Variants in ADCY2 observed in about 807,000 individuals in gnomAD.
The protein encoded by ADCY2 is adenylate cyclase 2.
Under a neutral mutation model 125.2 loss-of-function variants are expected in ADCY2, and 31 were observed. The observed-to-expected ratio is 0.25, with a 90% CI of 0.19 to 0.33. The LOEUF (loss-of-function observed/expected upper bound fraction) is 0.33. Among genes scored for constraint, ADCY2 ranks in the 10% least tolerant of loss-of-function variants. The probability of loss-of-function intolerance (pLI) is 1.00; values close to 1 mark genes in which losing one functional copy is unlikely to be tolerated. For synonymous variants in ADCY2, 512 were observed against 548.4 expected (o/e 0.93, Z 0.93); for missense variants, 904 against 1,418.2 (o/e 0.64, Z 5.82).
intron 4 of ADCY2, among the ~76,000 whole-genome samples, chr5:7,639,323 A>G (rs1468623945): frequency 6.6e-6 from 1 of 152,210 alleles, no homozygotes; most frequent in Non-Finnish European, 1.5e-5. Flanking sequence ...AGCAACCTTC[A>G]TAATATGTAT....
intron 20 of ADCY2, among the ~76,000 whole-genome samples, chr5:7,792,983 G>A (rs1006559770): frequency 1.3e-5 from 2 of 152,184 alleles, no homozygotes; most frequent in Non-Finnish European, 2.9e-5. Flanking sequence ...GCATGAGAGG[G>A]AAGACAGCAG....
intron 3 of ADCY2, among the ~76,000 whole-genome samples, chr5:7,530,951 A>G (rs898419853): frequency 6.6e-6 from 1 of 152,130 alleles, no homozygotes; most frequent in Non-Finnish European, 1.5e-5. Context: ...AGGAGCTCCC[A>G]TAGGACCCCA....
intron 3 of ADCY2, among the ~76,000 whole-genome samples, chr5:7,620,860 A>G (rs1162106424): frequency 6.6e-6 from 1 of 152,004 alleles, no homozygotes; most frequent in Non-Finnish European, 1.5e-5. Flanking sequence ...CAAATGCTAT[A>G]ACTTTTCTCC....
intron 3 of ADCY2, among the ~76,000 whole-genome samples, chr5:7,550,811 C>CTGA (rs1412561789): frequency 6.6e-6 from 1 of 152,172 alleles, no homozygotes; most frequent in Admixed American, 6.5e-5. Flanking sequence ...CTCAGCCACA[C>CTGA]TGATCTGCTT....
chr5:7,488,376 A>G (rs193193912), intron 2 of ADCY2, among the ~76,000 whole-genome samples: 2 of 152,256 alleles, frequency 1.3e-5, no homozygotes, highest in Non-Finnish European at 2.9e-5. Flanking sequence ...AGTCTTGGGT[A>G]TGTCTAATAC....
chr5:7,742,340 C>T (rs1244353353), intron 14 of ADCY2, among the ~76,000 whole-genome samples: 6 of 152,076 alleles, frequency 3.9e-5, no homozygotes, highest in African/African-American at 1.4e-4. Context: ...AGCATGAGCC[C>T]GGCCCATGAG....
chr5:7,506,320 G>A (rs7721013), intron 2 of ADCY2, among the ~76,000 whole-genome samples: 26,884 of 152,050 alleles, frequency 0.18, 2,465 homozygotes, highest in East Asian at 0.31. Context: ...ATTTTTAGAT[G>A]TTTTTATATA....
chr5:7,804,715 C>T (rs150243733), intron 22 of ADCY2, 23 bp downstream of exon 22: 57 of 1,583,212 alleles, frequency 3.6e-5, no homozygotes, highest in Middle Eastern at 1.7e-4. Flanking sequence ...GGCCACTTAA[C>T]GGCACAGGTG....
At chr5:7,782,437 A>G (rs4702494) in intron 18 of ADCY2, among the ~76,000 whole-genome samples, 24,009 of 152,204 alleles carry the variant, frequency 0.16, 2,590 homozygotes, top group East Asian at 0.62. Context: ...TGTCTCTGTC[A>G]GTGAGAGGGA....
chr5:7,446,970 C>T (rs1741285512), intron 2 of ADCY2, among the ~76,000 whole-genome samples: 1 of 152,110 alleles, frequency 6.6e-6, no homozygotes. Flanking sequence ...ATCCACAGAC[C>T]CTGCCCTCTC....
At chr5:7,485,987 A>C (rs1172180382) in intron 2 of ADCY2, among the ~76,000 whole-genome samples, 1 of 152,234 alleles carries the variant, frequency 6.6e-6, no homozygotes, top group Non-Finnish European at 1.5e-5. Context: ...TTATGAGGAT[A>C]AAGTAATAAA....
chr5:7,648,015 T>C (rs1738960867), intron 4 of ADCY2, among the ~76,000 whole-genome samples: 1 of 152,246 alleles, frequency 6.6e-6, no homozygotes. Context: ...AGTTTCCTCC[T>C]GCATAAAATG....
At chr5:7,474,166 T>C (rs1268884405) in intron 2 of ADCY2, among the ~76,000 whole-genome samples, 1 of 152,230 alleles carries the variant, frequency 6.6e-6, no homozygotes, top group Admixed American at 6.5e-5. Context: ...GTAATTGCAT[T>C]CTAACCAGAA....
chr5:7,574,977 A>G (rs1018975542), intron 3 of ADCY2, among the ~76,000 whole-genome samples: 8 of 152,232 alleles, frequency 5.3e-5, no homozygotes, highest in African/African-American at 1.9e-4. Context: ...ATAGTATTGT[A>G]TGAAGAAAAC....
intron 15 of ADCY2, among the ~76,000 whole-genome samples, chr5:7,748,072 C>CCTTAG (rs1258354874): frequency 2.0e-5 from 3 of 152,188 alleles, no homozygotes; most frequent in African/African-American, 7.2e-5. Flanking sequence ...CTGATGTTCT[C>CCTTAG]ACTTGTTGGA....
intron 3 of ADCY2, among the ~76,000 whole-genome samples, chr5:7,550,148 G>C (rs919553982): frequency 1.3e-5 from 2 of 152,122 alleles, no homozygotes; most frequent in East Asian, 3.8e-4. Flanking sequence ...CTATTGAATT[G>C]AGTGGCTCAC....
intron 23 of ADCY2, among the ~76,000 whole-genome samples, chr5:7,817,187 C>CA (rs1745140065): frequency 6.6e-6 from 1 of 152,038 alleles, no homozygotes; most frequent in Admixed American, 6.5e-5. Context: ...TACCTGCACT[C>CA]AGTCAAGGTC....
chr5:7,671,102 A>T (rs1172565905), intron 4 of ADCY2, among the ~76,000 whole-genome samples: 1 of 152,214 alleles, frequency 6.6e-6, no homozygotes, highest in South Asian at 2.1e-4. Context: ...AATGATCATG[A>T]CCACTTCAGT....
At chr5:7,581,464 G>A (rs1214342843) in intron 3 of ADCY2, among the ~76,000 whole-genome samples, 2 of 151,806 alleles carry the variant, frequency 1.3e-5, no homozygotes, top group Non-Finnish European at 2.9e-5. Flanking sequence ...AGGTATAGCT[G>A]CAAATCCAAT....
Sources: allele counts gnomAD v4.1 joint callset (sites outside exome capture counted in the v4.1 genomes callset), GRCh38; gene constraint gnomAD v4.1.1; transcripts MANE v1.5; gene names NCBI Gene and HGNC (gene_info 2026-07-23, HGNC 2026-07-21).